Variants in FRAS1 observed in about 807,000 individuals in gnomAD.
The protein encoded by FRAS1 is Fraser extracellular matrix complex subunit 1.
In FRAS1, 290 loss-of-function variants were observed where a neutral mutation model predicts 435.2. The observed-to-expected ratio is 0.67, with a 90% confidence interval of 0.61 to 0.73. FRAS1 has a LOEUF of 0.73. Ranked by LOEUF, FRAS1 falls within the 30% of genes least tolerant of loss-of-function variation. The probability of loss-of-function intolerance (pLI) is 0.00; values close to 1 mark genes in which losing one functional copy is unlikely to be tolerated. For synonymous variants in FRAS1, 1,800 were observed against 1,851.0 expected (o/e 0.97, Z 0.71); for missense variants, 4,860 against 5,001.5 (o/e 0.97, Z 0.85).
rs996414720 is a variant in FRAS1 at position 78,166,461 on chromosome 4, T to C, written c.109-71049T>C. Reference sequence around the variant, plus strand: ...TTGGTCATCCTTATATTTATACATATGAAGACAGAAAAAGTTATTTTAATT... The same window carrying C: ...TTGGTCATCCTTATATTTATACATACGAAGACAGAAAAAGTTATTTTAATT... On this transcript the variant is annotated intron_variant, in intron 2 of 73. Coordinates refer to ENST00000512123, the MANE Select transcript of FRAS1 (RefSeq NM_025074.7). Among the ~76,000 whole-genome samples, 22 of 152,328 alleles carry C rather than the reference T, an allele frequency of 1.4e-4. 1 individual carries two copies. The highest frequency in any genetic ancestry group is 5.3e-4 in the African/African-American group (22 of 41,578).
At chr4:78,485,371 T>G (rs1314764749) in intron 58 of FRAS1, among the ~76,000 whole-genome samples, 2 of 152,312 alleles carry the variant, frequency 1.3e-5, no homozygotes, top group Non-Finnish European at 2.9e-5. Context: ...TATTTAAATA[T>G]TTTTCAGTAT....
intron 70 of FRAS1, among the ~76,000 whole-genome samples, chr4:78,533,082 C>T (rs1456295127): frequency 6.6e-6 from 1 of 152,174 alleles, no homozygotes; most frequent in Admixed American, 6.5e-5. Context: ...ATGGCTGCAC[C>T]AATTTACACC....
intron 2 of FRAS1, among the ~76,000 whole-genome samples, chr4:78,216,445 C>G (rs1289048989): frequency 1.3e-5 from 2 of 152,172 alleles, no homozygotes; most frequent in African/African-American, 4.8e-5. Context: ...TGCATAAATA[C>G]ATGCATAAGG....
chr4:78,427,036 T>C (rs919852462), intron 35 of FRAS1, among the ~76,000 whole-genome samples: 1 of 152,214 alleles, frequency 6.6e-6, no homozygotes, highest in African/African-American at 2.4e-5. Flanking sequence ...ATGGTTTGAA[T>C]GTCCCTTCCC....
At chr4:78,457,077 G>A (rs1033432271) in intron 47 of FRAS1, among the ~76,000 whole-genome samples, 20 of 152,112 alleles carry the variant, frequency 1.3e-4, no homozygotes, top group Non-Finnish European at 2.8e-4. Flanking sequence ...CTTCCTCAAA[G>A]CCTAAAGTGA....
At chr4:78,267,555 C>T in intron 9 of FRAS1, 123 bp downstream of exon 9, 1 of 837,244 alleles carries the variant, frequency 1.2e-6, no homozygotes, top group Admixed American at 2.7e-5. Context: ...TCTCACACTT[C>T]ATAGGACCTT....
chr4:78,086,641 T>C (rs373680004), intron 2 of FRAS1, among the ~76,000 whole-genome samples: 96 of 152,262 alleles, frequency 6.3e-4, no homozygotes, highest in African/African-American at 2.2e-3. Flanking sequence ...GAGAATACTA[T>C]AAACACCTCT....
chr4:78,485,870 G>A (rs10017266), intron 58 of FRAS1, among the ~76,000 whole-genome samples: 2,225 of 152,258 alleles, frequency 0.015, 58 homozygotes, highest in African/African-American at 0.047. Flanking sequence ...AATGCTAACC[G>A]TCACTCAAGA....
chr4:78,295,292 G>T (rs73827955), intron 14 of FRAS1, among the ~76,000 whole-genome samples: 2,087 of 152,208 alleles, frequency 0.014, 53 homozygotes, highest in African/African-American at 0.047. Context: ...TATGTACAGT[G>T]TTTAAGCTTT....
intron 6 of FRAS1, among the ~76,000 whole-genome samples, chr4:78,259,175 A>G (rs1332631594): frequency 4.5e-5 from 3 of 67,324 alleles, no homozygotes; most frequent in Admixed American, 3.3e-4. Context: ...ATACGTGTGC[A>G]TGTGTCTTTA....
intron 2 of FRAS1, among the ~76,000 whole-genome samples, chr4:78,130,161 C>G (rs1419892116): frequency 2.0e-5 from 3 of 149,014 alleles, no homozygotes; most frequent in Non-Finnish European, 4.5e-5. Flanking sequence ...TCTGTGACTG[C>G]ATGTAATGCT....
At chr4:78,480,746 G>T (rs1163452365) in intron 56 of FRAS1, among the ~76,000 whole-genome samples, 1 of 152,188 alleles carries the variant, frequency 6.6e-6, no homozygotes, top group South Asian at 2.1e-4. Context: ...TATGTATGCT[G>T]CAGGCAGATA....
intron 50 of FRAS1, among the ~76,000 whole-genome samples, chr4:78,467,014 T>A (rs1560744054): frequency 6.6e-6 from 1 of 152,228 alleles, no homozygotes; most frequent in African/African-American, 2.4e-5. Context: ...GGGCATACAA[T>A]GTTTAACACT....
At chr4:78,131,495 G>A (rs531303403) in intron 2 of FRAS1, among the ~76,000 whole-genome samples, 89 of 152,276 alleles carry the variant, frequency 5.8e-4, no homozygotes, top group African/African-American at 2.1e-3. Flanking sequence ...TGATTATAGA[G>A]GAATTATGTA....
At chr4:78,392,206 C>A (rs1181357303) in intron 29 of FRAS1, among the ~76,000 whole-genome samples, 6 of 152,130 alleles carry the variant, frequency 3.9e-5, no homozygotes, top group African/African-American at 1.2e-4. Context: ...AATTTCACCA[C>A]ACCACCCCAC....
chr4:78,255,198 C>A, intron 5 of FRAS1, 44 bp from the exon 6 acceptor site: 1 of 1,550,362 alleles, frequency 6.5e-7, no homozygotes, highest in Non-Finnish European at 8.7e-7. Flanking sequence ...CTGGGATCAA[C>A]AAATGCCATC....
intron 56 of FRAS1, among the ~76,000 whole-genome samples, chr4:78,480,205 G>A (rs920542917): frequency 6.6e-6 from 1 of 152,060 alleles, no homozygotes; most frequent in South Asian, 2.1e-4. Context: ...CATTAACCAT[G>A]CCCACTTCCC....
rs994439397 is a variant in FRAS1 at position 78,448,350 on chromosome 4, T to G, written c.6274+34T>G. On this transcript the variant is annotated intron_variant, in intron 44 of 73. Transcript: ENST00000512123. ...GAAATAAAGGAGAGTGGCCATGGTTTTTCTATCCTTATTTCTTCTTTGTCC... is the reference window on the plus strand; with the variant it reads ...GAAATAAAGGAGAGTGGCCATGGTTGTTCTATCCTTATTTCTTCTTTGTCC... 2.6e-6 allele frequency: 4 copies of G among 1,541,042 alleles called. No homozygotes were observed. The Admixed American group carries it at 7.7e-5, about 30-fold the overall frequency.
chr4:78,155,959 A>G (rs1720864978), intron 2 of FRAS1, among the ~76,000 whole-genome samples: 1 of 152,174 alleles, frequency 6.6e-6, no homozygotes, highest in African/African-American at 2.4e-5. Flanking sequence ...CTAGAGTTAA[A>G]AAAAATACAC....
Sources: allele counts gnomAD v4.1 joint callset (sites outside exome capture counted in the v4.1 genomes callset), GRCh38; gene constraint gnomAD v4.1.1; transcripts MANE v1.5; gene names NCBI Gene and HGNC (gene_info 2026-07-23, HGNC 2026-07-21).